Variants in NEBL observed in about 807,000 individuals in gnomAD.
NEBL encodes the protein nebulette, also known as LIM and SH3 protein 2.
NEBL carries 122 observed loss-of-function variants against 140.2 expected under a neutral mutation model. That is an observed-to-expected ratio of 0.87 (90% CI 0.75 to 1.01). The LOEUF (loss-of-function observed/expected upper bound fraction) is 1.01, where lower values mean the gene tolerates loss of function less well. NEBL is among the 50% of genes least tolerant of loss of function. The probability of loss-of-function intolerance (pLI) is 0.00; values close to 1 mark genes in which losing one functional copy is unlikely to be tolerated. For missense variants in NEBL, 1,365 were observed against 1,231.3 expected (o/e 1.11, Z -1.62); for synonymous variants, 436 against 398.9 (o/e 1.09, Z -1.11).
intron 2 of NEBL, among the ~76,000 whole-genome samples, chr10:21,115,514 T>G (rs1024594050): frequency 1.3e-5 from 2 of 152,050 alleles, no homozygotes; most frequent in African/African-American, 4.8e-5. Context: ...TTTTTTCACT[T>G]TGTATGGAAG....
At chr10:20,812,331 T>C (rs1811583472) in intron 24 of NEBL, among the ~76,000 whole-genome samples, 1 of 152,054 alleles carries the variant, frequency 6.6e-6, no homozygotes, top group African/African-American at 2.4e-5. Flanking sequence ...TTTTTTTTAT[T>C]ATTATTATAC....
chr10:21,225,013 G>T (rs756370746), intron 3 of NEBL, among the ~76,000 whole-genome samples: 4 of 151,402 alleles, frequency 2.6e-5, no homozygotes, highest in Non-Finnish European at 5.9e-5. Context: ...TTGTCTGGTT[G>T]CTCTAGCTAG....
At chr10:21,277,429 C>T (rs1255589052) in intron 1 of NEBL, among the ~76,000 whole-genome samples, 2 of 152,096 alleles carry the variant, frequency 1.3e-5, no homozygotes, top group Non-Finnish European at 2.9e-5. Context: ...AGGCTGGTCT[C>T]GAACTCCTGA....
chr10:21,284,031 T>C (rs1451786712), intron 1 of NEBL, among the ~76,000 whole-genome samples: 2 of 96,218 alleles, frequency 2.1e-5, no homozygotes, highest in Non-Finnish European at 3.8e-5. Flanking sequence ...AAACCTAATC[T>C]GCACTAAAAA....
chr10:21,253,000 G>A (rs147005450), intron 1 of NEBL, among the ~76,000 whole-genome samples: 362 of 152,160 alleles, frequency 2.4e-3, no homozygotes, highest in African/African-American at 8.2e-3. Context: ...GGCTGCTAAC[G>A]CCTGTAATCC....
At chr10:20,922,859 T>C (rs941804345) in intron 4 of NEBL, among the ~76,000 whole-genome samples, 4 of 152,138 alleles carry the variant, frequency 2.6e-5, no homozygotes, top group Non-Finnish European at 5.9e-5. Context: ...GATTTTGTGC[T>C]AGACAGATTC....
intron 2 of NEBL, among the ~76,000 whole-genome samples, chr10:21,135,126 C>G (rs1839293148): frequency 6.6e-6 from 1 of 152,320 alleles, no homozygotes; most frequent in Non-Finnish European, 1.5e-5. Flanking sequence ...GTAACAGGCC[C>G]TATTTCATCC....
intron 3 of NEBL, among the ~76,000 whole-genome samples, chr10:20,964,639 C>T (rs1474095337): frequency 6.6e-6 from 1 of 152,132 alleles, no homozygotes; most frequent in East Asian, 1.9e-4. Flanking sequence ...TGCTCAGGAT[C>T]ACATTTCAAC....
chr10:21,058,118 T>C (rs1360949194), intron 2 of NEBL, among the ~76,000 whole-genome samples: 1 of 152,200 alleles, frequency 6.6e-6, no homozygotes, highest in Non-Finnish European at 1.5e-5. Context: ...ACTATCAATG[T>C]GAATAACTTT....
intron 9 of NEBL, among the ~76,000 whole-genome samples, chr10:20,856,939 C>T (rs192909557): frequency 2.6e-5 from 4 of 152,214 alleles, no homozygotes; most frequent in Non-Finnish European, 4.4e-5. Context: ...AATGATTCTC[C>T]TGCCTCAGTC....
At chr10:20,836,474 C>T (rs534424414) in intron 13 of NEBL, among the ~76,000 whole-genome samples, 3 of 152,252 alleles carry the variant, frequency 2.0e-5, no homozygotes, top group South Asian at 2.1e-4. Context: ...CCACCCACCT[C>T]GGCCTCCCAA....
Position 20,812,879 on chromosome 10 carries a change from T to A in NEBL, c.2408A>T (p.Asp803Val). The change falls in exon 24 of 28, where the codon GAT (aspartate) becomes GTT (valine). Residue 803 changes from aspartate (D) to valine (V), a missense_variant. Physicochemically the swap from Asp to Val is radical, Grantham distance 152. Around this residue, in one of 2 missense-constraint regions of NEBL, gnomAD observed 1,323 missense variants for 1,154.8 expected, o/e 1.15. Coordinates refer to ENST00000377122, the MANE Select transcript of NEBL (RefSeq NM_006393.3). ...CTTCCTCACTCTCTCTGTCACAGGATCGTCCACGACGGGAGTAAAGCCTCT... is the reference window on the plus strand; with the variant it reads ...CTTCCTCACTCTCTCTGTCACAGGAACGTCCACGACGGGAGTAAAGCCTCT... ...KGRGFTPVVD[D>V]PVTERVRKNT... is the part of the protein sequence containing the mutation. 1 of 1,614,056 alleles carries A rather than the reference T, an allele frequency of 6.2e-7. No homozygotes were observed. The highest frequency in any genetic ancestry group is 8.5e-7 in the Non-Finnish European group (1 of 1,179,932).
In NEBL at chr10:20,793,552, CTTTTCTTTTT is replaced by C. The variant is rs1438848594; in HGVS notation, c.2762-6254_2762-6245del. On this transcript the variant is annotated intron_variant, in intron 26 of 27. Transcript: ENST00000377122. ...AATGGTGTCTTATTTTTCTTTCTTT[CTTTTCTTTTT>C]TTTTTTTTTAACACAGGATCTGGCT... 8.0e-5 allele frequency among the ~76,000 whole-genome samples: 12 copies of C among 149,394 alleles called. No individual in the cohort carries two copies. In the East Asian group the frequency reaches 2.4e-3, roughly 29 times the overall value.
rs1212242054 is a variant in NEBL, at chr10:20,781,219, T to C, written c.*4528A>G. On this transcript the variant is annotated 3_prime_UTR_variant, in exon 28 of 28. Transcript: ENST00000377122. ...AATTTGCATAACAAAAGCCAAATTA[T>C]ATTAGTAACATTGTAACATTCCGTG... 6.5e-6 allele frequency: 1 copy of C among 152,684 alleles called. No individual in the cohort carries two copies. Among genetic ancestry groups the C allele is most frequent in the South Asian group, 2.1e-4 (1 of 4,834 alleles). 9.5% of individuals were successfully genotyped at this position (152,684 alleles called of 1,614,324 possible). A position where few individuals can be genotyped will look rare whatever the true frequency, so the allele number is the denominator to read the frequency against.
chr10:21,192,585 C>G (rs1404278855), intron 3 of NEBL, among the ~76,000 whole-genome samples: 1 of 151,088 alleles, frequency 6.6e-6, no homozygotes, highest in South Asian at 2.1e-4. Flanking sequence ...TGGCTCACAC[C>G]TGTAATCCCA....
intron 2 of NEBL, among the ~76,000 whole-genome samples, chr10:21,154,651 T>A (rs1289747739): frequency 6.6e-6 from 1 of 152,212 alleles, no homozygotes; most frequent in Non-Finnish European, 1.5e-5. Flanking sequence ...AAAGAGATGC[T>A]GGATGTGCAC....
At chr10:21,052,291 G>T (rs972035768) in intron 2 of NEBL, among the ~76,000 whole-genome samples, 2 of 152,170 alleles carry the variant, frequency 1.3e-5, no homozygotes, top group East Asian at 3.9e-4. Context: ...GAGAGCAAAC[G>T]ACCTCAAAAT....
chr10:20,901,733 T>A (rs1462277471), upstream of NEBL, among the ~76,000 whole-genome samples: 1 of 152,220 alleles, frequency 6.6e-6, no homozygotes, highest in African/African-American at 2.4e-5. Context: ...TTCACACTCA[T>A]TTTTTGTTGC....
chr10:20,813,647 T>C, intron 23 of NEBL: 2 of 321,934 alleles, frequency 6.2e-6, no homozygotes, highest in Non-Finnish European at 1.2e-5. Context: ...CCAAATTTTG[T>C]CTTAGAATTA....
Sources: gnomAD v4.1 joint callset for allele counts (sites outside exome capture counted in the v4.1 genomes callset) on GRCh38, gnomAD v4.1.1 for gene constraint, gnomAD v4.1.1 regional missense constraint, MANE v1.5 for transcripts, NCBI Gene and HGNC (gene_info 2026-07-23, HGNC 2026-07-21) for gene names.